The following XKR4 variants were observed in gnomAD, a reference collection of about 807,000 sequenced individuals.
XKR4 encodes XK-related protein 4.
A neutral mutation model predicts 53.9 loss-of-function variants in XKR4; 12 were observed. The ratio of observed to expected loss-of-function variants is 0.22; its 90% CI spans 0.14 to 0.36. XKR4 has a LOEUF of 0.36. Ranked by LOEUF, XKR4 falls within the 10% of genes least tolerant of loss-of-function variation. The pLI, the probability that XKR4 is intolerant of heterozygous loss-of-function variation, is 1.00. For synonymous variants in XKR4, 354 were observed against 362.4 expected (o/e 0.98, Z 0.26); for missense variants, 799 against 859.5 (o/e 0.93, Z 0.88).
At chr8:55,114,898 A>G (rs1298445140) in intron 1 of XKR4, among the ~76,000 whole-genome samples, 2 of 152,224 alleles carry the variant, frequency 1.3e-5, no homozygotes, top group Non-Finnish European at 1.5e-5. Flanking sequence ...GGTCATAGTA[A>G]GGAAAATGCA....
intron 1 of XKR4, among the ~76,000 whole-genome samples, chr8:55,165,097 T>C (rs536932757): frequency 5.3e-4 from 81 of 152,308 alleles, no homozygotes; most frequent in South Asian, 2.5e-3. Context: ...CATGGGACAA[T>C]GAAAATTCAG....
At chr8:55,143,375 A>C (rs1398600158) in intron 1 of XKR4, among the ~76,000 whole-genome samples, 1 of 152,212 alleles carries the variant, frequency 6.6e-6, no homozygotes. Flanking sequence ...AAAGTATAAA[A>C]AATTATCTCA....
At chr8:55,292,586 C>CA in intron 1 of XKR4, among the ~76,000 whole-genome samples, 1 of 152,036 alleles carries the variant, frequency 6.6e-6, no homozygotes, top group Non-Finnish European at 1.5e-5. Flanking sequence ...TTAATCTTTT[C>CA]AAAAAACAAG....
intron 2 of XKR4, among the ~76,000 whole-genome samples, chr8:55,380,729 C>G (rs1466603020): frequency 1.3e-5 from 2 of 152,198 alleles, no homozygotes; most frequent in South Asian, 2.1e-4. Context: ...ATCAACTCAC[C>G]CTGTGTGTTT....
intron 1 of XKR4, chr8:55,142,499 A>T (rs1816720440): frequency 6.2e-6 from 1 of 161,572 alleles, no homozygotes; most frequent in African/African-American, 2.4e-5. Context: ...CAAAATGAAG[A>T]GATTTCTATA....
chr8:55,487,047 A>G (rs371242085), intron 2 of XKR4, among the ~76,000 whole-genome samples: 1 of 152,224 alleles, frequency 6.6e-6, no homozygotes, highest in Admixed American at 6.5e-5. Flanking sequence ...TCTGATGACT[A>G]AGAAGTCCCA....
chr8:55,355,013 C>T (rs1352392063), intron 1 of XKR4, among the ~76,000 whole-genome samples: 1 of 151,306 alleles, frequency 6.6e-6, no homozygotes, highest in African/African-American at 2.4e-5. Flanking sequence ...AAGTGATTCT[C>T]CCGTCTCAGC....
chr8:55,358,402 AG>A (rs1218983052), intron 2 of XKR4, among the ~76,000 whole-genome samples: 6 of 142,424 alleles, frequency 4.2e-5, no homozygotes, highest in South Asian at 2.2e-4. Flanking sequence ...AAGGTCATAA[AG>A]GAAAAAAAAA....
chr8:55,305,535 A>G (rs1819283061), intron 1 of XKR4, among the ~76,000 whole-genome samples: 1 of 152,218 alleles, frequency 6.6e-6, no homozygotes, highest in Admixed American at 6.5e-5. Flanking sequence ...TCAAGTTCAT[A>G]CGTGCCTTGA....
At chr8:55,437,467 A>G (rs1455467127) in intron 2 of XKR4, among the ~76,000 whole-genome samples, 1 of 152,240 alleles carries the variant, frequency 6.6e-6, no homozygotes, top group Non-Finnish European at 1.5e-5. Flanking sequence ...GGTTTACAAC[A>G]TGAGTCCAAG....
Position 55,298,352 on chromosome 8 carries a change from G to T in XKR4, c.807-59326G>T, listed in dbSNP as rs181424213. On this transcript the variant is annotated intron_variant, in intron 1 of 2. Transcript: ENST00000327381. ...TTAGTCCGTTTGCATTGCTATAAAG[G>T]AATATCTGAGACTGGATAATTATAA... is the stretch of plus-strand genomic sequence containing the variant. Among the ~76,000 whole-genome samples the T allele has an allele frequency of 8.1e-4, 124 of 152,224 alleles. 1 individual carries two copies. The highest frequency in any genetic ancestry group is 2.8e-3 in the African/African-American group (117 of 41,550).
In XKR4 at chr8:55,216,223, A is replaced by G. The variant is rs890458866; in HGVS notation, c.806+112929A>G. Among the ~76,000 whole-genome samples the G allele has an allele frequency of 3.3e-5, 5 of 152,254 alleles. No individual in the cohort carries two copies. The East Asian group carries it at 9.6e-4, about 29-fold the overall frequency. ...ATCCAGATCCATAGAGTACTTTCAC[A>G]GGAATGTGACAAATTGATTCTAAAA... is the stretch of plus-strand genomic sequence containing the variant. On this transcript the variant is annotated intron_variant, in intron 1 of 2. Transcript: ENST00000327381.
intron 1 of XKR4, among the ~76,000 whole-genome samples, chr8:55,230,684 T>C (rs948376323): frequency 3.9e-5 from 6 of 152,092 alleles, no homozygotes; most frequent in African/African-American, 1.2e-4. Context: ...GACATTTTAA[T>C]CTTGAAAAGT....
intron 2 of XKR4, among the ~76,000 whole-genome samples, chr8:55,438,359 G>A (rs1407637879): frequency 1.3e-5 from 2 of 151,910 alleles, no homozygotes; most frequent in South Asian, 2.1e-4. Context: ...AGGCCGAGGC[G>A]GGCAGATCAC....
chr8:55,357,810 A>T lies in XKR4; in HGVS notation c.939A>T (p.Glu313Asp). The T allele has an allele frequency of 1.2e-6, 2 of 1,614,206 alleles. No individual in the cohort carries two copies. The highest frequency in any genetic ancestry group is 1.7e-6 in the Non-Finnish European group (2 of 1,180,038). ...SMLHLLATFL[E>D]SAPQLVLQLC... ...TGCATTTGCTAGCCACCTTTCTGGA[A>T]AGTGCTCCACAGCTGGTCCTGCAGC... The change falls in exon 2 of 3, where the codon GAA becomes GAT. Residue 313 changes from glutamate to aspartate, a missense_variant. Glu to Asp is a conservative substitution (Grantham distance 45). Transcript: ENST00000327381.
chr8:55,102,311 C>T lies in XKR4; in HGVS notation c.-178C>T. ...GGCGCGCCGCTAGCCCGGCCCAGCG[C>T]CCAGCCCGGCGGGCGGCGGGCGGCG... On this transcript the variant is annotated 5_prime_UTR_variant, in exon 1 of 3. Transcript: ENST00000327381. This position sits in a 1 kb window ranked among gnomAD's most constrained non-coding sequence, Gnocchi z 5.1. 3.4e-6 allele frequency: 3 copies of T among 892,264 alleles called. No individual in the cohort carries two copies. Among genetic ancestry groups the T allele is most frequent in the Non-Finnish European group, 4.1e-6 (3 of 734,340 alleles). 55.3% of individuals were successfully genotyped at this position (892,264 alleles called of 1,614,324 possible). A position where few individuals can be genotyped will look rare whatever the true frequency, so the allele number is the denominator to read the frequency against.
At position 55,523,997 on chromosome 8, in the gene XKR4, G is replaced by C; in HGVS notation, c.1723G>C (p.Val575Leu). The change falls in exon 3 of 3, where the codon GTG becomes CTG. Residue 575 changes from valine to leucine, a missense_variant. Transcript: ENST00000327381. Reference protein sequence around the residue: ...ERDGCVPVFQVRPTAPSTPSS... With the variant: ...ERDGCVPVFQLRPTAPSTPSS... ...GGATGGGTGTGTACCTGTCTTTCAAGTGAGGCCCACTGCCCCATCCACCCC... is the reference window on the plus strand; with the variant it reads ...GGATGGGTGTGTACCTGTCTTTCAACTGAGGCCCACTGCCCCATCCACCCC... 6.2e-7 allele frequency: 1 copy of C among 1,614,148 alleles called. No individual in the cohort carries two copies. The highest frequency in any genetic ancestry group is 1.1e-5 in the South Asian group (1 of 91,074).
intron 2 of XKR4, among the ~76,000 whole-genome samples, chr8:55,504,515 G>A (rs1399267838): frequency 1.3e-5 from 2 of 151,946 alleles, no homozygotes; most frequent in Non-Finnish European, 2.9e-5. Context: ...GTTCCCAGCT[G>A]TAGTTTTCTT....
rs983360896 is a variant in XKR4, at chr8:55,154,550, T to A, written c.806+51256T>A. Reference sequence around the variant, plus strand: ...AGTTATTAGATTCCACCAAACCATGTCCAATGTTGGATAGGAGACAGTTAA... The same window carrying A: ...AGTTATTAGATTCCACCAAACCATGACCAATGTTGGATAGGAGACAGTTAA... On this transcript the variant is annotated intron_variant, in intron 1 of 2. Coordinates refer to ENST00000327381, the MANE Select transcript of XKR4 (RefSeq NM_052898.2). 3.9e-5 allele frequency among the ~76,000 whole-genome samples: 6 copies of A among 152,236 alleles called. No individual in the cohort carries two copies. In the East Asian group the frequency reaches 9.6e-4, roughly 24 times the overall value.
Sources: allele counts gnomAD v4.1 joint callset (sites outside exome capture counted in the v4.1 genomes callset), GRCh38; gene constraint gnomAD v4.1.1; non-coding constraint Gnocchi (gnomAD v3.1); transcripts MANE v1.5; gene names NCBI Gene and HGNC (gene_info 2026-07-23, HGNC 2026-07-21).